POLGARF: variants seen among roughly 807,000 people sequenced by gnomAD.
The protein encoded by POLGARF is POLG alternative reading frame.
At chr15:89,330,630 T>C in the POLGARF span, among the ~76,000 whole-genome samples, 1 of 151,836 alleles carries the variant, frequency 6.6e-6, no homozygotes, top group Admixed American at 6.6e-5. Context: ...ATGAACATTA[T>C]CAACCCCTCA....
chr15:89,333,171 A>G, the POLGARF span: 5 of 1,561,366 alleles, frequency 3.2e-6, no homozygotes, highest in African/African-American at 5.5e-5. Flanking sequence ...GTCGAACACC[A>G]GGGCCCGCTC....
chr15:89,330,639 C>G, the POLGARF span, among the ~76,000 whole-genome samples: 1 of 151,906 alleles, frequency 6.6e-6, no homozygotes, highest in Non-Finnish European at 1.5e-5. Flanking sequence ...ATCAACCCCT[C>G]ACGTCTACAG....
chr15:89,330,241 C>T, the POLGARF span: 14 of 1,612,638 alleles, frequency 8.7e-6, no homozygotes, highest in Non-Finnish European at 1.1e-5. Context: ...CCAAGAGTAA[C>T]GCTCTTCCAC....
At chr15:89,331,693 G>T in the POLGARF span, among the ~76,000 whole-genome samples, 7 of 152,188 alleles carry the variant, frequency 4.6e-5, no homozygotes, top group African/African-American at 1.7e-4. Context: ...GGGCTGGTCA[G>T]GTACCTAATG....
At chr15:89,333,259 G>C in the POLGARF span, 1 of 1,566,430 alleles carries the variant, frequency 6.4e-7, no homozygotes, top group Non-Finnish European at 8.7e-7. Flanking sequence ...CAAGCCGGGG[G>C]CTTCGGGGGC....
At chr15:89,333,003 G>A in the POLGARF span, 1 of 1,471,910 alleles carries the variant, frequency 6.8e-7, no homozygotes, top group African/African-American at 1.4e-5. Context: ...TGAGCACCCA[G>A]CCCGTAACAG....
chr15:89,330,953 C>T, the POLGARF span, among the ~76,000 whole-genome samples: 2 of 152,114 alleles, frequency 1.3e-5, no homozygotes, highest in South Asian at 4.1e-4. Context: ...GGGCCCGACA[C>T]TGATTCAGGA....
the POLGARF span, chr15:89,330,401 C>A: frequency 1.3e-6 from 1 of 779,036 alleles, no homozygotes; most frequent in Non-Finnish European, 2.2e-6. Flanking sequence ...CAAGTGAGAC[C>A]AAAGGGTGCT....
At chr15:89,331,964 GAGAAA>G in the POLGARF span, among the ~76,000 whole-genome samples, 72 of 152,234 alleles carry the variant, frequency 4.7e-4, no homozygotes, top group African/African-American at 1.6e-3. Flanking sequence ...GAAGGAGAAA[GAGAAA>G]AGAAAAGGGG....
At chr15:89,333,371 C>T in the POLGARF span, 3 of 1,576,992 alleles carry the variant, frequency 1.9e-6, no homozygotes, top group East Asian at 2.3e-5. Context: ...CGTAGAGGGG[C>T]GGCAGGCGCA....
At chr15:89,332,091 A>C in the POLGARF span, 8 of 152,208 alleles carry the variant, frequency 5.3e-5, no homozygotes, top group African/African-American at 1.7e-4. Context: ...TTTTCAAATG[A>C]TGGCCGATAT....
chr15:89,333,039 A>C, the POLGARF span: 2 of 1,491,468 alleles, frequency 1.3e-6, no homozygotes, highest in Non-Finnish European at 1.8e-6. Flanking sequence ...TCACTGAAAC[A>C]AACTATTAAG....
the POLGARF span, among the ~76,000 whole-genome samples, chr15:89,332,534 A>G: frequency 7.9e-6 from 1 of 125,988 alleles, no homozygotes; most frequent in Non-Finnish European, 1.6e-5. Flanking sequence ...GAAGGAAGCA[A>G]TGTTTCTCAA....
the POLGARF span, chr15:89,333,152 G>A: frequency 7.8e-6 from 12 of 1,540,526 alleles, no homozygotes; most frequent in Admixed American, 2.0e-4. Context: ...CTGCCAAGCA[G>A]ACCTCCACGT....
chr15:89,332,956 G>A, the POLGARF span: 2 of 1,117,230 alleles, frequency 1.8e-6, no homozygotes, highest in African/African-American at 1.6e-5. Flanking sequence ...CATAAACAGG[G>A]GTCTAGTCCT....
At chr15:89,330,751 A>T in the POLGARF span, among the ~76,000 whole-genome samples, 1 of 114,978 alleles carries the variant, frequency 8.7e-6, no homozygotes, top group Admixed American at 8.0e-5. Flanking sequence ...AAAAATGACA[A>T]ATGCTGCTGC....
chr15:89,330,525 T>C, the POLGARF span, among the ~76,000 whole-genome samples: 1 of 152,210 alleles, frequency 6.6e-6, no homozygotes, highest in Non-Finnish European at 1.5e-5. Context: ...TACTGGGCTA[T>C]TAGACCTACG....
At chr15:89,333,212 C>T in the POLGARF span, 27 of 1,577,648 alleles carry the variant, frequency 1.7e-5, no homozygotes, top group Non-Finnish European at 2.3e-5. Context: ...CGGCCTCCCC[C>T]TCGGGGCCGT....
the POLGARF span, chr15:89,330,423 C>T: frequency 1.4e-6 from 1 of 713,840 alleles, no homozygotes; most frequent in Non-Finnish European, 2.5e-6. Context: ...CTAACTCAAA[C>T]AGCTACAGGT....
Sources: allele counts gnomAD v4.1 joint callset (sites outside exome capture counted in the v4.1 genomes callset), GRCh38; gene constraint gnomAD v4.1.1; transcripts MANE v1.5; gene names NCBI Gene and HGNC (gene_info 2026-07-23, HGNC 2026-07-21).